The following NXN variants were observed in gnomAD, a reference collection of about 807,000 sequenced individuals.
NXN encodes the protein nucleoredoxin.
In NXN, 16 loss-of-function variants were observed where a neutral mutation model predicts 48.6. The ratio of observed to expected loss-of-function variants is 0.33; its 90% CI spans 0.22 to 0.50. The LOEUF is 0.50. Ranked by LOEUF, NXN falls within the 20% of genes least tolerant of loss-of-function variation. NXN has a pLI of 0.98. For missense variants in NXN, 492 were observed against 605.5 expected (o/e 0.81, Z 1.97); for synonymous variants, 281 against 269.6 (o/e 1.04, Z -0.41).
At chr17:888,263 G>C (rs1052893631) in intron 1 of NXN, among the ~76,000 whole-genome samples, 1 of 152,170 alleles carries the variant, frequency 6.6e-6, no homozygotes, top group Non-Finnish European at 1.5e-5. Context: ...CTGTTCCTCA[G>C]GCTGGAGTGC....
At chr17:833,822 A>G (rs1273271985) in intron 1 of NXN, among the ~76,000 whole-genome samples, 1 of 152,088 alleles carries the variant, frequency 6.6e-6, no homozygotes, top group Admixed American at 6.6e-5. Context: ...TGCTGTAAAC[A>G]TTCCTCCAAT....
chr17:805,553 A>G (rs2180544), intron 5 of NXN, among the ~76,000 whole-genome samples: 89,074 of 152,006 alleles, frequency 0.59, 26,431 homozygotes, highest in East Asian at 0.76. Flanking sequence ...ATTCCGCTAC[A>G]GAAAGATCAA....
chr17:960,088 T>A (rs750962487), intron 1 of NXN, among the ~76,000 whole-genome samples: 5 of 151,894 alleles, frequency 3.3e-5, no homozygotes, highest in Non-Finnish European at 5.9e-5. Flanking sequence ...CGAGACTCCA[T>A]CTTTAAAAAA....
intron 1 of NXN, among the ~76,000 whole-genome samples, chr17:853,702 CATATATATAT>C (rs571601948): frequency 1.7e-5 from 2 of 119,316 alleles, no homozygotes; most frequent in Non-Finnish European, 3.3e-5. Context: ...CTGTTATACA[CATATATATAT>C]ATATATATAT....
At chr17:969,383 C>T (rs2069345238) in intron 1 of NXN, among the ~76,000 whole-genome samples, 1 of 152,154 alleles carries the variant, frequency 6.6e-6, no homozygotes, top group African/African-American at 2.4e-5. Flanking sequence ...CTATATTCTT[C>T]GTCTACTATG....
At chr17:810,452 G>A (rs903564278) in intron 5 of NXN, among the ~76,000 whole-genome samples, 6 of 152,178 alleles carry the variant, frequency 3.9e-5, no homozygotes, top group Admixed American at 1.3e-4. Context: ...TATTTAGCTC[G>A]TTAACATCAG....
intron 5 of NXN, among the ~76,000 whole-genome samples, chr17:810,616 A>G (rs1444768651): frequency 6.6e-6 from 1 of 152,136 alleles, no homozygotes; most frequent in Non-Finnish European, 1.5e-5. Flanking sequence ...GGAGCCGGGC[A>G]CGGTGGCTCA....
At chr17:973,824 T>A (rs775494942) in intron 1 of NXN, among the ~76,000 whole-genome samples, 2 of 145,172 alleles carry the variant, frequency 1.4e-5, no homozygotes, top group Non-Finnish European at 3.0e-5. Flanking sequence ...GGAGTACAGG[T>A]GTGTACCACC....
intron 1 of NXN, among the ~76,000 whole-genome samples, chr17:886,290 T>TTTAAAAAATCAATAAA (rs2068346461): frequency 1.3e-5 from 2 of 152,110 alleles, no homozygotes; most frequent in Non-Finnish European, 2.9e-5. Flanking sequence ...TTGCTTTGGC[T>TTTAAAAAATCAATAAA]TTAAAAAATC....
chr17:806,023 CCGGCCA>C (rs1911479025), intron 5 of NXN, among the ~76,000 whole-genome samples: 1 of 152,044 alleles, frequency 6.6e-6, no homozygotes, highest in Non-Finnish European at 1.5e-5. Flanking sequence ...GGGTCCTCGC[CCGGCCA>C]CAGTGAGCGC....
At chr17:835,307 CA>C (rs368573865) in intron 1 of NXN, among the ~76,000 whole-genome samples, 290 of 91,242 alleles carry the variant, frequency 3.2e-3, no homozygotes, top group Non-Finnish European at 3.1e-3. Context: ...GACTCTGTTT[CA>C]AAAAAAAAAA....
intron 1 of NXN, among the ~76,000 whole-genome samples, chr17:859,905 C>G (rs1275805158): frequency 6.6e-6 from 1 of 152,120 alleles, no homozygotes; most frequent in Non-Finnish European, 1.5e-5. Context: ...TCTAATGTGT[C>G]TCCTCTGGTC....
chr17:908,049 T>G (rs1172911223), intron 1 of NXN: 1 of 152,140 alleles, frequency 6.6e-6, no homozygotes, highest in Non-Finnish European at 1.5e-5. Context: ...GCATTCCTGC[T>G]TTAGGACCTA....
At chr17:909,538 T>C in intron 1 of NXN, 1 of 142,720 alleles carries the variant, frequency 7.0e-6, no homozygotes. Flanking sequence ...ATGAATTTTT[T>C]TTTTTTTTTT....
At chr17:833,881 G>A (rs191295323) in intron 1 of NXN, among the ~76,000 whole-genome samples, 9 of 152,222 alleles carry the variant, frequency 5.9e-5, no homozygotes, top group Admixed American at 2.0e-4. Context: ...AGTGAAGAGC[G>A]GGTGATTAAA....
intron 1 of NXN, among the ~76,000 whole-genome samples, chr17:882,443 T>C (rs1056261843): frequency 2.8e-5 from 4 of 143,572 alleles, no homozygotes; most frequent in Admixed American, 2.2e-4. Context: ...ACTGCCTCAA[T>C]TGCAGGGGTT....
At chr17:862,249 C>T (rs113880058) in intron 1 of NXN, among the ~76,000 whole-genome samples, 1,587 of 152,332 alleles carry the variant, frequency 0.01, 24 homozygotes, top group African/African-American at 0.036. Context: ...GGCACGGTGG[C>T]TCACACCTGT....
At chr17:943,200 C>T (rs1049936117) in intron 1 of NXN, among the ~76,000 whole-genome samples, 1 of 152,180 alleles carries the variant, frequency 6.6e-6, no homozygotes, top group Non-Finnish European at 1.5e-5. Context: ...TTCTCTCTCT[C>T]GACTAAAATG....
rs71371597 is a variant in NXN, at chr17:936,091, C to CAAAAA, written c.360+43223_360+43227dup. 2.9e-3 allele frequency among the ~76,000 whole-genome samples: 181 copies of CAAAAA among 61,412 alleles called. 5 individuals carry two copies. The highest frequency in any genetic ancestry group is 4.4e-3 in the South Asian group (6 of 1,366). 40.3% of individuals were successfully genotyped at this position (61,412 alleles called of 152,430 possible). A position where few individuals can be genotyped will look rare whatever the true frequency, so the allele number is the denominator to read the frequency against. ...TGGGCAACAGGGCAAGATTCCATCT[C>CAAAAA]AAAAAAAAAAAAAAAAAAAACCTCC... On this transcript the variant is annotated intron_variant, in intron 1 of 7. Transcript: ENST00000336868.
Sources: allele counts gnomAD v4.1 joint callset (sites outside exome capture counted in the v4.1 genomes callset), GRCh38; gene constraint gnomAD v4.1.1; transcripts MANE v1.5; gene names NCBI Gene and HGNC (gene_info 2026-07-23, HGNC 2026-07-21).